The following GLRA3 variants were observed in gnomAD, a reference collection of about 807,000 sequenced individuals.
The protein encoded by GLRA3 is glycine receptor alpha 3, also known as glycine receptor subunit alpha-3.
A neutral mutation model predicts 60.4 loss-of-function variants in GLRA3; 44 were observed. The ratio of observed to expected loss-of-function variants is 0.73; its 90% CI spans 0.57 to 0.94. GLRA3 has a LOEUF of 0.94. Among genes scored for constraint, GLRA3 ranks in the 40% least tolerant of loss-of-function variants. The pLI is 0.00. For synonymous variants in GLRA3, 223 were observed against 192.9 expected, an observed-to-expected ratio of 1.16 and a Z score of -1.29; for missense variants, 508 against 564.6, an observed-to-expected ratio of 0.90 and a Z score of 1.02.
chr4:174,806,089 T>C (rs573651148), intron 1 of GLRA3, among the ~76,000 whole-genome samples: 28 of 152,300 alleles, frequency 1.8e-4, no homozygotes, highest in African/African-American at 5.3e-4. Flanking sequence ...TTATAACTCC[T>C]GTTCTTGTTC....
At chr4:174,671,742 C>T (rs1161168228) in intron 7 of GLRA3, among the ~76,000 whole-genome samples, 2 of 152,074 alleles carry the variant, frequency 1.3e-5, no homozygotes, top group African/African-American at 4.8e-5. Flanking sequence ...CTCTGCCTCC[C>T]GGGTTTAAGT....
At chr4:174,660,146 T>A (rs1733380686) in intron 7 of GLRA3, among the ~76,000 whole-genome samples, 1 of 152,024 alleles carries the variant, frequency 6.6e-6, no homozygotes, top group African/African-American at 2.4e-5. Flanking sequence ...AAATCAAAAA[T>A]TTGACATTTA....
chr4:174,688,090 A>G (rs2877827), intron 5 of GLRA3, among the ~76,000 whole-genome samples: 2,322 of 151,858 alleles, frequency 0.015, 62 homozygotes, highest in African/African-American at 0.051. Flanking sequence ...TAATTTAACC[A>G]AAATTGGCAC....
chr4:174,791,618 T>C (rs1186437730), intron 1 of GLRA3, among the ~76,000 whole-genome samples: 1 of 152,192 alleles, frequency 6.6e-6, no homozygotes, highest in Admixed American at 6.5e-5. Context: ...TCTTTGTACA[T>C]GGTTTCCTTT....
chr4:174,688,426 T>C (rs6820398), intron 5 of GLRA3, among the ~76,000 whole-genome samples: 60,022 of 144,582 alleles, frequency 0.42, 13,179 homozygotes, highest in Middle Eastern at 0.53. Context: ...TTTCCTACTT[T>C]GTCCCCTAGA....
At chr4:174,707,391 G>A (rs552529569) in intron 5 of GLRA3, among the ~76,000 whole-genome samples, 1 of 152,174 alleles carries the variant, frequency 6.6e-6, no homozygotes, top group Admixed American at 6.5e-5. Flanking sequence ...AAACATGGAT[G>A]GGGGACATAG....
intron 1 of GLRA3, among the ~76,000 whole-genome samples, chr4:174,803,242 T>C (rs1405051223): frequency 1.3e-5 from 2 of 152,114 alleles, no homozygotes; most frequent in African/African-American, 4.8e-5. Context: ...TCTCTTCTCG[T>C]GGGTAATAGT....
At chr4:174,742,339 T>A (rs1460256238) in intron 3 of GLRA3, among the ~76,000 whole-genome samples, 1 of 152,180 alleles carries the variant, frequency 6.6e-6, no homozygotes, top group African/African-American at 2.4e-5. Flanking sequence ...ACACTAAAGC[T>A]TGCTTTGAGT....
chr4:174,803,953 G>A (rs1462627541), intron 1 of GLRA3, among the ~76,000 whole-genome samples: 1 of 152,148 alleles, frequency 6.6e-6, no homozygotes, highest in Non-Finnish European at 1.5e-5. Flanking sequence ...TTGACTGACA[G>A]ACTTGTCTAC....
chr4:174,695,546 T>C (rs919752214), intron 5 of GLRA3, among the ~76,000 whole-genome samples: 2 of 152,138 alleles, frequency 1.3e-5, no homozygotes, highest in Non-Finnish European at 2.9e-5. Context: ...CACCCTTTCA[T>C]GTTAAAAACT....
chr4:174,816,576 AT>A (rs1740508407), intron 1 of GLRA3, among the ~76,000 whole-genome samples: 1 of 151,180 alleles, frequency 6.6e-6, no homozygotes, highest in Non-Finnish European at 1.5e-5. Context: ...AATAAATATG[AT>A]TATCTTACAT....
At chr4:174,664,930 A>G (rs1312070924) in intron 7 of GLRA3, among the ~76,000 whole-genome samples, 1 of 152,204 alleles carries the variant, frequency 6.6e-6, no homozygotes, top group Non-Finnish European at 1.5e-5. Flanking sequence ...AAGACAGACA[A>G]GCTCTATTAT....
rs916618703 is a variant in GLRA3, at chr4:174,637,833, A to G, written c.*5953T>C. The stretch of plus-strand genomic sequence containing the variant: ...CTGTTATAGGAAGACATTAACAGTT[A>G]CTGAAAATAATATACATAGAAATTT... On this transcript the variant is annotated 3_prime_UTR_variant, in exon 10 of 10. Transcript: ENST00000274093. 6.6e-6 allele frequency: 1 copy of G among 152,150 alleles called. No homozygotes were observed. The highest frequency in any genetic ancestry group is 2.4e-5 in the African/African-American group (1 of 41,450). 9.4% of individuals were successfully genotyped at this position (152,150 alleles called of 1,614,324 possible).
chr4:174,702,418 TA>T (rs1735354750), intron 5 of GLRA3, among the ~76,000 whole-genome samples: 1 of 152,252 alleles, frequency 6.6e-6, no homozygotes, highest in Non-Finnish European at 1.5e-5. Flanking sequence ...AAAATTAATG[TA>T]ACTGCTTTAC....
At chr4:174,746,014 A>C (rs1737231447) in intron 3 of GLRA3, among the ~76,000 whole-genome samples, 1 of 152,146 alleles carries the variant, frequency 6.6e-6, no homozygotes, top group African/African-American at 2.4e-5. Flanking sequence ...GTGAGGACGC[A>C]GAGAAAAGAG....
At chr4:174,764,128 C>A (rs558537126) in intron 3 of GLRA3, among the ~76,000 whole-genome samples, 3 of 152,036 alleles carry the variant, frequency 2.0e-5, no homozygotes, top group African/African-American at 7.2e-5. Context: ...AAACTGCACA[C>A]GCATTTTTTT....
At position 174,828,748 on chromosome 4, in the gene GLRA3, A is replaced by T; in HGVS notation, c.64T>A (p.Leu22Ile). ...SGFYFWEAAL[L>I]LSLVATKETD... Reference sequence around the variant, plus strand: ...AAATCCAAGCGAACTCACCTGAGTAACAGTGCTGCTTCCCAGAAGTAAAAT... The same window carrying T: ...AAATCCAAGCGAACTCACCTGAGTATCAGTGCTGCTTCCCAGAAGTAAAAT... The change falls in exon 1 of 10, where the codon TTA becomes ATA. Residue 22 changes from leucine to isoleucine, a missense_variant. Coordinates refer to ENST00000274093, the MANE Select transcript of GLRA3 (RefSeq NM_006529.4). 1 of 1,605,268 alleles carries T rather than the reference A, an allele frequency of 6.2e-7. No individual in the cohort carries two copies. Among genetic ancestry groups the T allele is most frequent in the Non-Finnish European group, 8.5e-7 (1 of 1,171,896 alleles).
At chr4:174,736,141 G>C (rs1016715254) in intron 3 of GLRA3, among the ~76,000 whole-genome samples, 6 of 152,014 alleles carry the variant, frequency 3.9e-5, no homozygotes, top group African/African-American at 1.4e-4. Flanking sequence ...GAATCATAAT[G>C]ATTTTGAAGA....
chr4:174,760,385 C>T (rs982306247), intron 3 of GLRA3, among the ~76,000 whole-genome samples: 14 of 152,096 alleles, frequency 9.2e-5, no homozygotes, highest in South Asian at 2.1e-4. Context: ...AACAGAATGA[C>T]CACATTGGAG....
Sources: gnomAD v4.1 joint callset for allele counts (sites outside exome capture counted in the v4.1 genomes callset) on GRCh38, gnomAD v4.1.1 for gene constraint, MANE v1.5 for transcripts, NCBI Gene and HGNC (gene_info 2026-07-23, HGNC 2026-07-21) for gene names.